NSG1: variants seen among roughly 807,000 people sequenced by gnomAD.
NSG1 encodes neuronal vesicle trafficking associated 1.
A neutral mutation model predicts 19.3 loss-of-function variants in NSG1; 9 were observed. The observed-to-expected ratio is 0.47, with a 90% confidence interval of 0.28 to 0.81. The LOEUF is 0.81. Among genes scored for constraint, NSG1 ranks in the 40% least tolerant of loss-of-function variants. The pLI is 0.11. For missense variants in NSG1, 236 were observed against 242.4 expected (o/e 0.97, Z 0.18); for synonymous variants, 104 against 107.0 (o/e 0.97, Z 0.17).
In NSG1 at chr4:4,417,741, G is replaced by T. The variant is rs551876152; in HGVS notation, c.*306G>T. The T allele has an allele frequency of 3.2e-4, 127 of 393,770 alleles. 1 individual carries two copies. The Middle Eastern group carries it at 3.9e-3, about 12-fold the overall frequency. The allele number at this position is 393,770 out of a possible 1,614,324, so 24.4% of individuals were successfully genotyped here. ...TAAATTTACACTGGATATGCGAAGG[G>T]TTTGGATCTCAGATAAATGCATTTT... is the stretch of plus-strand genomic sequence containing the variant. On this transcript the variant is annotated 3_prime_UTR_variant, in exon 5 of 5. Transcript: ENST00000621129.
chr4:4,410,542 T>C (rs1450523132), intron 4 of NSG1, among the ~76,000 whole-genome samples: 2 of 152,216 alleles, frequency 1.3e-5, no homozygotes, highest in African/African-American at 4.8e-5. Flanking sequence ...CATGTTGCTA[T>C]ACTGAACAAT....
intron 3 of NSG1, among the ~76,000 whole-genome samples, chr4:4,397,905 G>C (rs1005479779): frequency 1.3e-5 from 2 of 151,986 alleles, no homozygotes; most frequent in Non-Finnish European, 2.9e-5. Flanking sequence ...AATAGTTTGC[G>C]ACACCAGCCT....
At chr4:4,387,502 A>C in intron 1 of NSG1, 102 bp from the exon 2 acceptor site, 3 of 719,492 alleles carry the variant, frequency 4.2e-6, no homozygotes, top group Non-Finnish European at 6.8e-6. Flanking sequence ...GGGGCCGGGG[A>C]GCTCGCGGAC....
chr4:4,415,419 C>A (rs1724470422), intron 4 of NSG1, among the ~76,000 whole-genome samples: 1 of 152,180 alleles, frequency 6.6e-6, no homozygotes, highest in African/African-American at 2.4e-5. Context: ...AAGGCACACA[C>A]CCCACAGGTG....
chr4:4,416,000 T>C (rs1243262975), intron 4 of NSG1: 10 of 672,946 alleles, frequency 1.5e-5, no homozygotes, highest in Admixed American at 4.3e-5. Context: ...CAAGACGCTG[T>C]TGATAAAAGG....
In NSG1 at chr4:4,409,648, T is replaced by C. The variant is rs1419264747; in HGVS notation, c.322T>C (p.Tyr108His). 6.2e-7 allele frequency: 1 copy of C among 1,614,032 alleles called. No homozygotes were observed. The highest frequency in any genetic ancestry group is 8.5e-7 in the Non-Finnish European group (1 of 1,180,018). The change falls in exon 4 of 5, where the codon TAT becomes CAT. Residue 108 changes from tyrosine to histidine, a missense_variant. Tyr to His is a moderately conservative substitution (Grantham distance 83). Transcript: ENST00000621129. ...CCTGGTTGTCTACAAGGTGTACAAG[T>C]ATGACCGCGCCTGCCCCGATGGGTT... ...VFLVVYKVYK[Y>H]DRACPDGFVL...
chr4:4,402,376 T>A (rs1310291723), intron 3 of NSG1, among the ~76,000 whole-genome samples: 1 of 10,198 alleles, frequency 9.8e-5, no homozygotes, highest in African/African-American at 3.5e-4. Flanking sequence ...TGGTTATTTT[T>A]TTTTTTTTTT....
At position 4,417,399 on chromosome 4, in the gene NSG1, C is replaced by T. The variant is rs752796208; in HGVS notation, c.522C>T (p.Ser174=). 4.5e-5 allele frequency: 72 copies of T among 1,614,074 alleles called. No homozygotes were observed. The highest frequency in any genetic ancestry group is 1.4e-4 in the South Asian group (13 of 91,090). The change falls in exon 5 of 5, where the codon TCC becomes TCT. Residue 174 remains serine, a synonymous_variant. Coordinates refer to ENST00000621129, the MANE Select transcript of NSG1 (RefSeq NM_014392.5). ...CAGTTCTGTCAGAAGAGAAGCTGTCCGAGCAGGAGACTGAAGCGGCTGAGA... is the reference window on the plus strand; with the variant it reads ...CAGTTCTGTCAGAAGAGAAGCTGTCTGAGCAGGAGACTGAAGCGGCTGAGA... ...WMSVLSEEKL[S]EQETEAAEKS...
At chr4:4,415,128 G>C (rs750005198) in intron 4 of NSG1, among the ~76,000 whole-genome samples, 8 of 151,798 alleles carry the variant, frequency 5.3e-5, no homozygotes, top group African/African-American at 1.9e-4. Flanking sequence ...GGCTGGTCTC[G>C]AACTCTTGGG....
chr4:4,392,092 T>A (rs1723022584), intron 3 of NSG1, among the ~76,000 whole-genome samples: 1 of 152,102 alleles, frequency 6.6e-6, no homozygotes, highest in African/African-American at 2.4e-5. Flanking sequence ...TGGTCACAGC[T>A]CTACACAGCA....
At chr4:4,407,898 G>A (rs1723951668) in intron 3 of NSG1, among the ~76,000 whole-genome samples, 1 of 152,146 alleles carries the variant, frequency 6.6e-6, no homozygotes, top group African/African-American at 2.4e-5. Flanking sequence ...TGGGGCCTGA[G>A]CGGCTTGCAG....
chr4:4,405,907 C>A (rs2108745155), intron 3 of NSG1, among the ~76,000 whole-genome samples: 1 of 152,352 alleles, frequency 6.6e-6, no homozygotes, highest in South Asian at 2.1e-4. Flanking sequence ...CCCCCACAGC[C>A]CTGCAGGAGA....
At chr4:4,416,516 G>T (rs564778187) in intron 4 of NSG1, among the ~76,000 whole-genome samples, 2 of 152,252 alleles carry the variant, frequency 1.3e-5, no homozygotes, top group South Asian at 4.1e-4. Flanking sequence ...AGGACAGGCT[G>T]CAGCCACAGC....
chr4:4,389,032 G>C (rs746878897), intron 2 of NSG1, among the ~76,000 whole-genome samples: 5 of 152,230 alleles, frequency 3.3e-5, no homozygotes, highest in African/African-American at 4.8e-5. Flanking sequence ...TCCAGTTAGC[G>C]GGGCCTGGCC....
At chr4:4,400,921 G>T (rs73084367) in intron 3 of NSG1, among the ~76,000 whole-genome samples, 1 of 152,330 alleles carries the variant, frequency 6.6e-6, no homozygotes, top group African/African-American at 2.4e-5. Context: ...TTCCTTGCAA[G>T]TCTATGTATT....
At chr4:4,397,683 C>T (rs905248664) in intron 3 of NSG1, among the ~76,000 whole-genome samples, 3 of 152,238 alleles carry the variant, frequency 2.0e-5, no homozygotes, top group Non-Finnish European at 4.4e-5. Context: ...ACAGCAGACA[C>T]AGTGATTGGC....
At chr4:4,401,987 C>A (rs2108739377) in intron 3 of NSG1, among the ~76,000 whole-genome samples, 1 of 151,598 alleles carries the variant, frequency 6.6e-6, no homozygotes, top group Middle Eastern at 3.5e-3. Flanking sequence ...CTGAAGCGAT[C>A]CTCCCAAATC....
intron 2 of NSG1, among the ~76,000 whole-genome samples, chr4:4,389,459 A>T (rs1722894626): frequency 6.6e-6 from 1 of 152,086 alleles, no homozygotes; most frequent in Admixed American, 6.5e-5. Flanking sequence ...ATTTTCCAGA[A>T]GGCTTCTAAG....
In NSG1 at chr4:4,406,538, G is replaced by A. The variant is rs759444535; in HGVS notation, c.247-3035G>A. On this transcript the variant is annotated intron_variant, in intron 3 of 4. Coordinates refer to ENST00000621129, the MANE Select transcript of NSG1 (RefSeq NM_014392.5). ...GCTGGAGCCCGGGCAGGCTGGCCCCGGGTGAACATGCGACGGGGCAGCTGG... is the reference window on the plus strand; with the variant it reads ...GCTGGAGCCCGGGCAGGCTGGCCCCAGGTGAACATGCGACGGGGCAGCTGG... Among the ~76,000 whole-genome samples the A allele has an allele frequency of 2.3e-4, 35 of 152,186 alleles. 1 individual carries two copies. Among genetic ancestry groups the A allele is most frequent in the Middle Eastern group, 6.3e-3 (2 of 316 alleles).
Sources: allele counts gnomAD v4.1 joint callset (sites outside exome capture counted in the v4.1 genomes callset), GRCh38; gene constraint gnomAD v4.1.1; transcripts MANE v1.5; gene names NCBI Gene and HGNC (gene_info 2026-07-23, HGNC 2026-07-21).